Variants in STK32B observed in about 807,000 individuals in gnomAD.
The protein encoded by STK32B is serine/threonine-protein kinase 32B.
A neutral mutation model predicts 52.6 loss-of-function variants in STK32B; 43 were observed. The observed-to-expected ratio is 0.82, with a 90% confidence interval of 0.64 to 1.05. The LOEUF (loss-of-function observed/expected upper bound fraction) is 1.05. Ranked by LOEUF, STK32B falls within the 50% of genes least tolerant of loss-of-function variation. The pLI, the probability that STK32B is intolerant of heterozygous loss-of-function variation, is 0.00. For synonymous variants in STK32B, 238 were observed against 204.3 expected, an observed-to-expected ratio of 1.17 and a Z score of -1.41; for missense variants, 621 against 534.6, an observed-to-expected ratio of 1.16 and a Z score of -1.59.
At chr4:5,138,065 T>G (rs1716179533) in intron 1 of STK32B, among the ~76,000 whole-genome samples, 1 of 152,144 alleles carries the variant, frequency 6.6e-6, no homozygotes, top group Non-Finnish European at 1.5e-5. Flanking sequence ...CCAAGCTCAT[T>G]GCTTTTTTTC....
At chr4:5,045,070 T>C in the STK32B span, among the ~76,000 whole-genome samples, 1 of 152,218 alleles carries the variant, frequency 6.6e-6, no homozygotes, top group Non-Finnish European at 1.5e-5. Flanking sequence ...CTTGCCTCAG[T>C]CTACTCTCAG....
At chr4:5,135,070 T>G (rs928915062) in intron 1 of STK32B, among the ~76,000 whole-genome samples, 5 of 152,232 alleles carry the variant, frequency 3.3e-5, no homozygotes, top group Non-Finnish European at 7.3e-5. Flanking sequence ...CAATAACTAA[T>G]TAGCACTAAT....
chr4:5,423,082 A>G (rs1421748213), intron 6 of STK32B, among the ~76,000 whole-genome samples: 3 of 152,242 alleles, frequency 2.0e-5, no homozygotes, highest in African/African-American at 4.8e-5. Context: ...TGCTGTGGTG[A>G]GAGCCTAGGG....
At chr4:5,226,605 T>A (rs1178239519) in intron 3 of STK32B, among the ~76,000 whole-genome samples, 1 of 152,230 alleles carries the variant, frequency 6.6e-6, no homozygotes, top group Non-Finnish European at 1.5e-5. Flanking sequence ...CAGTCTTGGT[T>A]AGCAGATCAA....
intron 3 of STK32B, among the ~76,000 whole-genome samples, chr4:5,240,418 A>G (rs1030911595): frequency 2.6e-5 from 4 of 151,880 alleles, no homozygotes; most frequent in African/African-American, 9.7e-5. Flanking sequence ...TCACTCTTTT[A>G]TGATACCTTT....
In STK32B at chr4:5,278,132, T is replaced by G. The variant is rs1218608148; in HGVS notation, c.261-53088T>G. 2.0e-5 allele frequency among the ~76,000 whole-genome samples: 3 copies of G among 151,658 alleles called. 1 individual carries two copies. Among genetic ancestry groups the G allele is most frequent in the Admixed American group, 2.0e-4 (3 of 15,202 alleles). Reference sequence around the variant, plus strand: ...GGCAGGTAGAAGATGACGTGGGAGGTTTTGACTTCTGGCAAGGTGATGGGC... The same window carrying G: ...GGCAGGTAGAAGATGACGTGGGAGGGTTTGACTTCTGGCAAGGTGATGGGC... On this transcript the variant is annotated intron_variant, in intron 3 of 11. Coordinates refer to ENST00000282908, the MANE Select transcript of STK32B (RefSeq NM_018401.3).
chr4:5,136,898 C>T (rs567435443), intron 1 of STK32B, among the ~76,000 whole-genome samples: 1 of 152,202 alleles, frequency 6.6e-6, no homozygotes. Flanking sequence ...TACATCCAAT[C>T]TAGTCCAAGA....
intron 6 of STK32B, among the ~76,000 whole-genome samples, chr4:5,432,825 CACTT>C (rs1713710951): frequency 1.3e-5 from 2 of 152,038 alleles, no homozygotes. Context: ...ATTTATTGAG[CACTT>C]ACTATGTGCT....
intron 4 of STK32B, among the ~76,000 whole-genome samples, chr4:5,385,966 C>T (rs1014238146): frequency 7.2e-6 from 1 of 138,928 alleles, no homozygotes; most frequent in African/African-American, 2.8e-5. Flanking sequence ...CCCACAGCCC[C>T]CACTCACAGC....
chr4:5,269,197 G>A (rs555344583), intron 3 of STK32B, among the ~76,000 whole-genome samples: 2 of 152,280 alleles, frequency 1.3e-5, no homozygotes, highest in Admixed American at 1.3e-4. Context: ...GGATGTGTGC[G>A]AGGACCATCC....
intron 3 of STK32B, among the ~76,000 whole-genome samples, chr4:5,176,954 C>G (rs1339915249): frequency 6.6e-6 from 1 of 152,176 alleles, no homozygotes; most frequent in Non-Finnish European, 1.5e-5. Context: ...CTCTCTGGGC[C>G]TCAACTTCCT....
At chr4:5,182,760 C>T (rs1322904088) in intron 3 of STK32B, among the ~76,000 whole-genome samples, 1 of 151,960 alleles carries the variant, frequency 6.6e-6, no homozygotes, top group African/African-American at 2.4e-5. Context: ...CGCCCAGCCC[C>T]AAAATGTACT....
At chr4:5,311,691 GACC>G (rs1181479004) in intron 3 of STK32B, among the ~76,000 whole-genome samples, 2 of 151,962 alleles carry the variant, frequency 1.3e-5, no homozygotes, top group Admixed American at 6.6e-5. Flanking sequence ...AGAAGAAATG[GACC>G]AATTCCTCAA....
In STK32B at chr4:5,357,026, C is replaced by T. The variant is rs530219902; in HGVS notation, c.434+25633C>T. On this transcript the variant is annotated intron_variant, in intron 4 of 11. Transcript: ENST00000282908. ...ATATGTGTATATATATATATATACA[C>T]ACACACACACACACATATATACACA... Among the ~76,000 whole-genome samples the T allele has an allele frequency of 7.1e-3, 1,060 of 148,490 alleles. 8 individuals carry two copies. The highest frequency in any genetic ancestry group is 0.026 in the African/African-American group (1,008 of 39,108).
At chr4:5,317,591 G>A (rs1250073793) in intron 3 of STK32B, among the ~76,000 whole-genome samples, 1 of 131,584 alleles carries the variant, frequency 7.6e-6, no homozygotes, top group Non-Finnish European at 1.5e-5. Context: ...AGGACATTAG[G>A]CTTAACCACT....
At chr4:5,244,327 T>C (rs1025760110) in intron 3 of STK32B, among the ~76,000 whole-genome samples, 2 of 152,178 alleles carry the variant, frequency 1.3e-5, no homozygotes, top group African/African-American at 4.8e-5. Flanking sequence ...GTTGAGGAAT[T>C]TATCCATTTC....
At chr4:5,441,606 A>T (rs1485618883) in intron 6 of STK32B, among the ~76,000 whole-genome samples, 1 of 151,428 alleles carries the variant, frequency 6.6e-6, no homozygotes, top group Non-Finnish European at 1.5e-5. Context: ...TATTTCCTTC[A>T]GTTCTGCTCT....
rs1160094964 is a variant in STK32B, at chr4:5,378,892, C to T, written c.435-19315C>T. Among the ~76,000 whole-genome samples, 4 of 152,204 alleles carry T rather than the reference C, an allele frequency of 2.6e-5. No homozygotes were observed. The highest frequency in any genetic ancestry group is 2.1e-4 in the South Asian group (1 of 4,804). On this transcript the variant is annotated intron_variant, in intron 4 of 11. Transcript: ENST00000282908. The surrounding 1 kb of genome is among the most constrained non-coding windows in gnomAD (Gnocchi z 4.4). ...GCTGCCATCCTTGCAGCATTAAAGG[C>T]GTCATCTGCAAAAGGGGTGACAATT...
At position 5,195,979 on chromosome 4, in the gene STK32B, A is replaced by T. The variant is rs564461871; in HGVS notation, c.260+27529A>T. Among the ~76,000 whole-genome samples, 4 of 152,362 alleles carry T rather than the reference A, an allele frequency of 2.6e-5. No individual in the cohort carries two copies. In the South Asian group the frequency reaches 8.3e-4, roughly 32 times the overall value. On this transcript the variant is annotated intron_variant, in intron 3 of 11. Coordinates refer to ENST00000282908, the MANE Select transcript of STK32B (RefSeq NM_018401.3). ...ATATATATGAAACTTACATGGCATC[A>T]TTAAATTCTAACCTTACACTGTTAC...
Sources: allele counts gnomAD v4.1 joint callset (sites outside exome capture counted in the v4.1 genomes callset), GRCh38; gene constraint gnomAD v4.1.1; non-coding constraint Gnocchi (gnomAD v3.1); transcripts MANE v1.5; gene names NCBI Gene and HGNC (gene_info 2026-07-23, HGNC 2026-07-21).